MAGI2: variants seen among roughly 807,000 people sequenced by gnomAD.
MAGI2 encodes the protein membrane associated guanylate kinase, WW and PDZ domain containing 2, also known as membrane-associated guanylate kinase, WW and PDZ domain-containing protein 2.
In MAGI2, 35 loss-of-function variants were observed where a neutral mutation model predicts 133.3. The observed-to-expected ratio is 0.26, with a 90% CI of 0.20 to 0.35. The LOEUF is 0.35. MAGI2 is among the 10% of genes least tolerant of loss of function. The pLI is 1.00. For synonymous variants in MAGI2, 729 were observed against 710.6 expected (o/e 1.03, Z -0.41); for missense variants, 1,636 against 1,863.4 (o/e 0.88, Z 2.25).
At chr7:79,046,049 C>T (rs753543441) in intron 1 of MAGI2, among the ~76,000 whole-genome samples, 3 of 152,116 alleles carry the variant, frequency 2.0e-5, no homozygotes, top group Non-Finnish European at 2.9e-5. Context: ...CACAAGGTCT[C>T]TCAGTACTAT....
intron 2 of MAGI2, among the ~76,000 whole-genome samples, chr7:78,643,577 A>G (rs73378283): frequency 0.015 from 2,349 of 152,278 alleles, 68 homozygotes; most frequent in African/African-American, 0.054. Flanking sequence ...TTATTAAGAT[A>G]CACACAATTG....
intron 2 of MAGI2, among the ~76,000 whole-genome samples, chr7:78,689,983 G>A (rs1028657801): frequency 6.6e-6 from 1 of 151,916 alleles, no homozygotes; most frequent in Non-Finnish European, 1.5e-5. Flanking sequence ...CATGAATGTG[G>A]TATACAGAAT....
At chr7:78,743,229 A>G (rs1285132589) in intron 2 of MAGI2, among the ~76,000 whole-genome samples, 5 of 152,226 alleles carry the variant, frequency 3.3e-5, no homozygotes, top group Non-Finnish European at 7.3e-5. Context: ...GTGCCTATAA[A>G]GACAAAATCA....
chr7:78,580,438 C>A (rs1454982767), intron 3 of MAGI2, among the ~76,000 whole-genome samples: 1 of 152,202 alleles, frequency 6.6e-6, no homozygotes, highest in Admixed American at 6.5e-5. Flanking sequence ...CAAATGTTAT[C>A]TGATGAGTAT....
intron 2 of MAGI2, among the ~76,000 whole-genome samples, chr7:78,754,593 C>T (rs549238850): frequency 3.3e-5 from 5 of 152,184 alleles, no homozygotes; most frequent in Non-Finnish European, 7.4e-5. Context: ...AGTTGAGCAG[C>T]AAGTATTAGC....
chr7:78,808,971 A>G (rs1013787237), intron 2 of MAGI2, among the ~76,000 whole-genome samples: 2 of 152,228 alleles, frequency 1.3e-5, no homozygotes, highest in African/African-American at 2.4e-5. Context: ...CCTACAGTCA[A>G]TTAAACATGG....
chr7:79,431,932 G>A (rs1430409810), intron 1 of MAGI2, among the ~76,000 whole-genome samples: 1 of 152,110 alleles, frequency 6.6e-6, no homozygotes. Context: ...GTGTGACCTT[G>A]GGCAAGTAAT....
chr7:78,049,206 G>T lies in MAGI2; in HGVS notation c.3707-29230C>A, dbSNP rs141235013. ...TGCTTTTGTTTAAAGGACAGGACATGATGAGAAAGAGACATTGTGAAATAA... is the reference window on the plus strand; with the variant it reads ...TGCTTTTGTTTAAAGGACAGGACATTATGAGAAAGAGACATTGTGAAATAA... On this transcript the variant is annotated intron_variant, in intron 21 of 21. Transcript: ENST00000354212. Among the ~76,000 whole-genome samples, 7 of 152,230 alleles carry T rather than the reference G, an allele frequency of 4.6e-5. No individual in the cohort carries two copies. In the East Asian group the frequency reaches 1.4e-3, roughly 29 times the overall value.
At chr7:79,179,704 T>A (rs923316509) in intron 1 of MAGI2, among the ~76,000 whole-genome samples, 1 of 151,976 alleles carries the variant, frequency 6.6e-6, no homozygotes, top group African/African-American at 2.4e-5. Context: ...AACAGTGCTA[T>A]AATAACTAGA....
chr7:78,379,033 T>C (rs879813891), intron 6 of MAGI2, among the ~76,000 whole-genome samples: 1 of 151,798 alleles, frequency 6.6e-6, no homozygotes, highest in African/African-American at 2.4e-5. Context: ...AGACAAACAT[T>C]AGAACACAAT....
At chr7:79,405,926 A>C (rs1487266144) in intron 1 of MAGI2, among the ~76,000 whole-genome samples, 56 of 150,386 alleles carry the variant, frequency 3.7e-4, no homozygotes, top group African/African-American at 1.1e-3. Flanking sequence ...CAACACAAAA[A>C]AAAAAAAAAA....
intron 2 of MAGI2, among the ~76,000 whole-genome samples, chr7:78,769,792 A>C (rs1825396276): frequency 1.3e-5 from 2 of 152,166 alleles, no homozygotes; most frequent in Non-Finnish European, 2.9e-5. Context: ...TCCCCATTAC[A>C]AATGTGATTC....
chr7:79,015,888 G>T (rs1011329147), intron 1 of MAGI2, among the ~76,000 whole-genome samples: 1 of 151,702 alleles, frequency 6.6e-6, no homozygotes, highest in African/African-American at 2.4e-5. Flanking sequence ...TCAGAGGGAA[G>T]ATCCATTGAA....
chr7:78,869,307 A>G (rs772642243), intron 2 of MAGI2, among the ~76,000 whole-genome samples: 1 of 152,178 alleles, frequency 6.6e-6, no homozygotes, highest in Non-Finnish European at 1.5e-5. Context: ...CTATGCCAAC[A>G]TCTAGAAGAG....
At chr7:79,074,075 C>CTAGGTTACAT (rs1815237473) in intron 1 of MAGI2, among the ~76,000 whole-genome samples, 2 of 152,108 alleles carry the variant, frequency 1.3e-5, no homozygotes, top group Non-Finnish European at 2.9e-5. Flanking sequence ...ATATGCCCCA[C>CTAGGTTACAT]TAGGTTACAA....
chr7:78,141,147 G>C (rs903599662), intron 16 of MAGI2, among the ~76,000 whole-genome samples: 4 of 152,068 alleles, frequency 2.6e-5, no homozygotes, highest in African/African-American at 9.7e-5. Flanking sequence ...GTGCTTTGTG[G>C]GCTGGGGTCC....
chr7:78,119,536 G>A (rs1260758627), intron 20 of MAGI2, among the ~76,000 whole-genome samples: 2 of 136,410 alleles, frequency 1.5e-5, no homozygotes. Flanking sequence ...ACTCCTGCCT[G>A]GGTGACAGAG....
At chr7:79,046,244 C>A (rs1812171828) in intron 1 of MAGI2, among the ~76,000 whole-genome samples, 1 of 152,054 alleles carries the variant, frequency 6.6e-6, no homozygotes, top group Admixed American at 6.6e-5. Flanking sequence ...TTAAAGAGGT[C>A]ATTACTGTTA....
intron 2 of MAGI2, among the ~76,000 whole-genome samples, chr7:78,773,765 G>C (rs909248143): frequency 2.6e-5 from 4 of 152,158 alleles, no homozygotes; most frequent in African/African-American, 9.7e-5. Flanking sequence ...CAAAGAACAC[G>C]AACAAACCTA....
Sources: gnomAD v4.1 joint callset for allele counts (sites outside exome capture counted in the v4.1 genomes callset) on GRCh38, gnomAD v4.1.1 for gene constraint, MANE v1.5 for transcripts, NCBI Gene and HGNC (gene_info 2026-07-23, HGNC 2026-07-21) for gene names.